The following RAPH1 variants were observed in gnomAD, a reference collection of about 807,000 sequenced individuals.
The protein encoded by RAPH1 is ras-associated and pleckstrin homology domains-containing protein 1.
RAPH1 carries 18 observed loss-of-function variants against 88.1 expected under a neutral mutation model. That is an observed-to-expected ratio of 0.20 (90% CI 0.14 to 0.30). RAPH1 has a LOEUF of 0.30. Among genes scored for constraint, RAPH1 ranks in the 10% least tolerant of loss-of-function variants. The pLI is 1.00. For missense variants in RAPH1, 1,448 were observed against 1,543.2 expected, an observed-to-expected ratio of 0.94 and a Z score of 1.03; for synonymous variants, 587 against 559.0, an observed-to-expected ratio of 1.05 and a Z score of -0.71.
chr2:203,446,951 T>G (rs1364040608), intron 12 of RAPH1: 2 of 151,704 alleles, frequency 1.3e-5, no homozygotes, highest in Non-Finnish European at 2.9e-5. Context: ...GGGGTCTTGC[T>G]GTGCTGCCCA....
intron 1 of RAPH1, among the ~76,000 whole-genome samples, chr2:203,523,318 G>C (rs375161858): frequency 4.8e-4 from 73 of 151,770 alleles, no homozygotes; most frequent in African/African-American, 1.5e-3. Flanking sequence ...GCGTGAATAC[G>C]GGGGGCGGAG....
chr2:203,441,416 A>G lies in RAPH1; in HGVS notation c.1777-3T>C. On this transcript the variant is annotated splice_polypyrimidine_tract_variant and splice_region_variant and intron_variant, in intron 13 of 13. Coordinates refer to ENST00000319170, the MANE Select transcript of RAPH1 (RefSeq NM_213589.3). ...CGATTCATAGACTCCATTCTGGCCTAAAAGGAGTATAAAAAGGGAGTGGGA... is the reference window on the plus strand; with the variant it reads ...CGATTCATAGACTCCATTCTGGCCTGAAAGGAGTATAAAAAGGGAGTGGGA... 3 of 1,532,792 alleles carry G rather than the reference A, an allele frequency of 2.0e-6. No individual in the cohort carries two copies. Among genetic ancestry groups the G allele is most frequent in the South Asian group, 2.7e-5 (2 of 75,312 alleles). 94.9% of individuals were successfully genotyped at this position (1,532,792 alleles called of 1,614,324 possible).
intron 4 of RAPH1, among the ~76,000 whole-genome samples, chr2:203,470,000 CTA>C (rs1316456382): frequency 6.6e-6 from 1 of 152,134 alleles, no homozygotes; most frequent in East Asian, 1.9e-4. Context: ...CTTGGGAAGA[CTA>C]TTAGGCATTT....
intron 10 of RAPH1, among the ~76,000 whole-genome samples, chr2:203,451,536 A>T (rs2098514925): frequency 6.6e-6 from 1 of 152,162 alleles, no homozygotes; most frequent in Admixed American, 6.5e-5. Context: ...TGTCATTTTT[A>T]AAATTATACC....
intron 1 of RAPH1, among the ~76,000 whole-genome samples, chr2:203,530,601 A>G (rs181080634): frequency 1.1e-4 from 17 of 152,326 alleles, no homozygotes; most frequent in African/African-American, 3.8e-4. Context: ...ATGTGTTAAA[A>G]AAAATTTAGG....
At chr2:203,509,827 T>C (rs1262632956) in intron 1 of RAPH1, among the ~76,000 whole-genome samples, 2 of 152,142 alleles carry the variant, frequency 1.3e-5, no homozygotes, top group South Asian at 2.1e-4. Flanking sequence ...TAGTGAGTTC[T>C]TGTGAGATGT....
intron 4 of RAPH1, 118 bp downstream of exon 4, chr2:203,489,466 A>T (rs961607543): frequency 1.4e-6 from 1 of 731,406 alleles, no homozygotes; most frequent in Non-Finnish European, 2.0e-6. Context: ...CTATCTCAGA[A>T]GTATCTTTGA....
intron 4 of RAPH1, among the ~76,000 whole-genome samples, chr2:203,472,301 T>G (rs1038616209): frequency 1.3e-5 from 2 of 152,052 alleles, no homozygotes; most frequent in African/African-American, 2.4e-5. Context: ...CTCGGCTAAT[T>G]TTGTATTTTT....
intron 4 of RAPH1, among the ~76,000 whole-genome samples, chr2:203,483,889 C>T (rs1457255662): frequency 6.6e-6 from 1 of 152,112 alleles, no homozygotes; most frequent in Non-Finnish European, 1.5e-5. Flanking sequence ...CCTTGGGTAC[C>T]CAGGCCTTCA....
chr2:203,527,261 T>C (rs1184689836), intron 1 of RAPH1, among the ~76,000 whole-genome samples: 1 of 152,114 alleles, frequency 6.6e-6, no homozygotes, highest in Non-Finnish European at 1.5e-5. Flanking sequence ...TATTTATCCT[T>C]AACATACAGA....
chr2:203,516,977 T>C (rs1467155948), intron 1 of RAPH1, among the ~76,000 whole-genome samples: 10 of 150,876 alleles, frequency 6.6e-5, no homozygotes, highest in Non-Finnish European at 1.5e-4. Flanking sequence ...GAGCTTGCAG[T>C]GAGCCGACAT....
Position 203,461,357 on chromosome 2 carries a change from C to A in RAPH1, c.862G>T (p.Asp288Tyr). 1.9e-6 allele frequency: 3 copies of A among 1,610,620 alleles called. No individual in the cohort carries two copies. The highest frequency in any genetic ancestry group is 2.5e-6 in the Non-Finnish European group (3 of 1,178,188). ...SDDSSKTMMV[D>Y]ERQTVRQVLD... The stretch of plus-strand genomic sequence containing the variant: ...ACTTGTCTTACTGTCTGCCTCTCAT[C>A]CACCATCATTGTTTTAGAACTGTCA... Residue 288 changes from aspartate (D) to tyrosine (Y), a missense_variant, in exon 6 of 14, where the codon GAT (aspartate) becomes TAT (tyrosine). Around this residue, in one of 2 missense-constraint regions of RAPH1, gnomAD observed 513 missense variants for 653.1 expected, o/e 0.79. Transcript: ENST00000319170.
At chr2:203,501,756 T>C (rs1353182497) in intron 1 of RAPH1, among the ~76,000 whole-genome samples, 1 of 149,234 alleles carries the variant, frequency 6.7e-6, no homozygotes, top group Non-Finnish European at 1.5e-5. Context: ...AGAAAGGTTC[T>C]ACTTAGGATC....
Position 203,434,747 on chromosome 2 carries a change from A to G in RAPH1, c.*4690T>C, listed in dbSNP as rs1321925145. ...AGGCTGCAACAATCATGAGCTTGGT[A>G]TTAGTAGCCATCCATGATAAACATA... On this transcript the variant is annotated 3_prime_UTR_variant, in exon 14 of 14. Transcript: ENST00000319170. The G allele has an allele frequency of 6.6e-6, 1 of 152,420 alleles. No homozygotes were observed. Among genetic ancestry groups the G allele is most frequent in the Non-Finnish European group, 1.5e-5 (1 of 68,038 alleles). 9.4% of individuals were successfully genotyped at this position (152,420 alleles called of 1,614,324 possible).
Position 203,440,268 on chromosome 2 carries a change from G to C in RAPH1, c.2922C>G (p.Thr974=), listed in dbSNP as rs1174965293. ...SSPGGKKPPP[T]PQRNSSIKSS... ...ATTTAATGCTGGAGTTGCGCTGTGG[G>C]GTTGGGGGTGGTTTCTTTCCCCCAG... Residue 974 remains threonine (T), a synonymous_variant, in exon 14 of 14, where the codon ACC becomes ACG. Transcript: ENST00000319170. 6.2e-7 allele frequency: 1 copy of C among 1,613,940 alleles called. No homozygotes were observed. Among genetic ancestry groups the C allele is most frequent in the South Asian group, 1.1e-5 (1 of 91,072 alleles).
At chr2:203,457,463 C>A in intron 8 of RAPH1, 67 bp downstream of exon 8, 1 of 1,284,626 alleles carries the variant, frequency 7.8e-7, no homozygotes. Context: ...GGATTGCAGG[C>A]GTGAGCCACC....
At chr2:203,504,627 C>T (rs1688897614) in intron 1 of RAPH1, among the ~76,000 whole-genome samples, 2 of 151,498 alleles carry the variant, frequency 1.3e-5, no homozygotes, top group Non-Finnish European at 2.9e-5. Flanking sequence ...CATTAGGCTC[C>T]TTGCTATTTA....
chr2:203,445,218 TA>T, intron 12 of RAPH1: 2 of 471,690 alleles, frequency 4.2e-6, no homozygotes, highest in Non-Finnish European at 7.4e-6. Flanking sequence ...AGATTAGTGT[TA>T]AATATTTCAC....
At chr2:203,447,293 G>C (rs1559450148) in intron 12 of RAPH1, 1 of 150,746 alleles carries the variant, frequency 6.6e-6, no homozygotes. Context: ...CTATGATCTA[G>C]GGACTGGGTA....
Sources: allele counts gnomAD v4.1 joint callset (sites outside exome capture counted in the v4.1 genomes callset), GRCh38; gene constraint gnomAD v4.1.1; regional missense constraint gnomAD v4.1.1; transcripts MANE v1.5; gene names NCBI Gene and HGNC (gene_info 2026-07-23, HGNC 2026-07-21).